The following MEGF11 variants were observed in gnomAD, a reference collection of about 807,000 sequenced individuals.
MEGF11 encodes the protein multiple epidermal growth factor-like domains protein 11.
In MEGF11, 126 loss-of-function variants were observed where a neutral mutation model predicts 146.6. The observed-to-expected ratio is 0.86, with a 90% CI of 0.74 to 1.00. The LOEUF (loss-of-function observed/expected upper bound fraction) is 1.00. Ranked by LOEUF, MEGF11 falls within the 50% of genes least tolerant of loss-of-function variation. MEGF11 has a pLI of 0.00. For synonymous variants in MEGF11, 532 were observed against 583.4 expected, an observed-to-expected ratio of 0.91 and a Z score of 1.27; for missense variants, 1,509 against 1,521.2, an observed-to-expected ratio of 0.99 and a Z score of 0.13.
intron 1 of MEGF11, among the ~76,000 whole-genome samples, chr15:66,183,523 A>C (rs2141160525): frequency 7.2e-6 from 1 of 139,848 alleles, no homozygotes; most frequent in African/African-American, 2.7e-5. Context: ...CGTGCCACCC[A>C]CACCCCCCTG....
intron 4 of MEGF11, among the ~76,000 whole-genome samples, chr15:66,098,526 C>A (rs1264556675): frequency 1.3e-5 from 2 of 152,192 alleles, no homozygotes; most frequent in Non-Finnish European, 2.9e-5. Flanking sequence ...GGCCAACTAG[C>A]CTGACATTCA....
intron 1 of MEGF11, among the ~76,000 whole-genome samples, chr15:66,135,813 G>T (rs1306105035): frequency 6.6e-6 from 1 of 152,174 alleles, no homozygotes; most frequent in African/African-American, 2.4e-5. Context: ...TGAATTCAAA[G>T]TCAGTACCAG....
At chr15:65,939,424 A>G (rs1307965353) in intron 10 of MEGF11, among the ~76,000 whole-genome samples, 1 of 151,532 alleles carries the variant, frequency 6.6e-6, no homozygotes, top group Admixed American at 6.6e-5. Context: ...AGGCACTGTG[A>G]TAGGCCCTGG....
chr15:66,003,631 T>A (rs1461985476), intron 5 of MEGF11, among the ~76,000 whole-genome samples: 2 of 152,112 alleles, frequency 1.3e-5, no homozygotes, highest in African/African-American at 2.4e-5. Context: ...ACCCCACCTC[T>A]GCCCACCCCA....
intron 13 of MEGF11, among the ~76,000 whole-genome samples, chr15:65,926,024 T>C (rs1216811395): frequency 6.6e-6 from 1 of 152,242 alleles, no homozygotes; most frequent in East Asian, 1.9e-4. Flanking sequence ...GTGCTCCTTA[T>C]GGACAGGATG....
intron 3 of MEGF11, 52 bp downstream of exon 3, chr15:66,123,847 C>G: frequency 6.8e-7 from 1 of 1,475,256 alleles, no homozygotes; most frequent in Non-Finnish European, 9.5e-7. Context: ...AGAGGCAAGC[C>G]CTGAGAGCCC....
chr15:66,147,623 A>G (rs1271162689), intron 1 of MEGF11, among the ~76,000 whole-genome samples: 1 of 152,200 alleles, frequency 6.6e-6, no homozygotes, highest in African/African-American at 2.4e-5. Flanking sequence ...AGTGGGTGCC[A>G]AGGCCTGGAG....
Position 65,912,219 on chromosome 15 carries a change from G to A in MEGF11, c.2711-19C>T. 2.5e-6 allele frequency: 3 copies of A among 1,217,320 alleles called. No homozygotes were observed. Among genetic ancestry groups the A allele is most frequent in the Non-Finnish European group, 3.1e-6 (3 of 974,522 alleles). The allele number at this position is 1,217,320 out of a possible 1,614,324, so 75.4% of individuals were successfully genotyped here. A position where few individuals can be genotyped will look rare whatever the true frequency, so the allele number is the denominator to read the frequency against. ...GACAAATCTGGGAAGAGAACAAGGT[G>A]CCACATACCATCATACCCCTGCCCC... On this transcript the variant is annotated intron_variant, in intron 20 of 25. Coordinates refer to ENST00000395614, the MANE Select transcript of MEGF11 (RefSeq NM_001385028.1).
At chr15:65,927,382 C>T (rs1029956131) in intron 13 of MEGF11, among the ~76,000 whole-genome samples, 8 of 152,210 alleles carry the variant, frequency 5.3e-5, no homozygotes, top group Non-Finnish European at 1.2e-4. Context: ...ATCCATATCT[C>T]AGTGTGTGGC....
intron 1 of MEGF11, among the ~76,000 whole-genome samples, chr15:66,247,942 A>C (rs959682620): frequency 5.9e-5 from 9 of 151,688 alleles, no homozygotes; most frequent in African/African-American, 2.2e-4. Flanking sequence ...GGCTGGGGCG[A>C]GATGGCACCA....
chr15:66,192,576 A>G (rs955619018), intron 1 of MEGF11, among the ~76,000 whole-genome samples: 1 of 152,182 alleles, frequency 6.6e-6, no homozygotes, highest in African/African-American at 2.4e-5. Context: ...TAATTACCCC[A>G]ATTTACCAAT....
chr15:65,926,019 C>G (rs1021555261), intron 13 of MEGF11, among the ~76,000 whole-genome samples: 1 of 152,190 alleles, frequency 6.6e-6, no homozygotes, highest in African/African-American at 2.4e-5. Flanking sequence ...CCTAGGTGCT[C>G]CTTATGGACA....
At chr15:66,211,024 G>T (rs1023868038) in intron 1 of MEGF11, among the ~76,000 whole-genome samples, 3 of 152,038 alleles carry the variant, frequency 2.0e-5, no homozygotes, top group Non-Finnish European at 4.4e-5. Context: ...TGCCCTCCTA[G>T]GCAACCAGCT....
chr15:65,960,157 A>G (rs957940205), intron 9 of MEGF11, among the ~76,000 whole-genome samples: 1 of 152,276 alleles, frequency 6.6e-6, no homozygotes, highest in Non-Finnish European at 1.5e-5. Context: ...AACGATATAG[A>G]CATCGACAGA....
chr15:65,906,855 A>G (rs2078644941), intron 23 of MEGF11, among the ~76,000 whole-genome samples: 6 of 152,230 alleles, frequency 3.9e-5, no homozygotes, highest in Admixed American at 2.6e-4. Flanking sequence ...TTCAGCCCCA[A>G]GGATTTCTTT....
intron 1 of MEGF11, among the ~76,000 whole-genome samples, chr15:66,211,537 A>G (rs1217357277): frequency 1.3e-5 from 2 of 151,890 alleles, no homozygotes; most frequent in East Asian, 2.0e-4. Flanking sequence ...AAAAAAAAAA[A>G]AAAAGAAAAT....
chr15:66,033,342 A>T (rs539873827), intron 5 of MEGF11, among the ~76,000 whole-genome samples: 1 of 152,298 alleles, frequency 6.6e-6, no homozygotes, highest in East Asian at 1.9e-4. Flanking sequence ...TTTTGGGGGA[A>T]GGGCCCCAGG....
intron 5 of MEGF11, among the ~76,000 whole-genome samples, chr15:66,007,465 C>T (rs570457480): frequency 1.3e-5 from 2 of 152,222 alleles, no homozygotes; most frequent in East Asian, 3.9e-4. Context: ...AAATGATGGC[C>T]CAGGCTGGGT....
rs1596923414 is a variant in MEGF11, at chr15:65,966,238, C to T, written c.900-1118G>A. On this transcript the variant is annotated intron_variant, in intron 8 of 25. Coordinates refer to ENST00000395614, the MANE Select transcript of MEGF11 (RefSeq NM_001385028.1). ...CTCAATCTCTTGACCTCATGATCCG[C>T]CTGCCTCGGTCTCCCAAAGTGCTGG... is the stretch of plus-strand genomic sequence containing the variant. Among the ~76,000 whole-genome samples the T allele has an allele frequency of 2.0e-5, 3 of 152,268 alleles. No individual in the cohort carries two copies. In the East Asian group the frequency reaches 5.8e-4, roughly 29 times the overall value.
Sources: allele counts gnomAD v4.1 joint callset (sites outside exome capture counted in the v4.1 genomes callset), GRCh38; gene constraint gnomAD v4.1.1; transcripts MANE v1.5; gene names NCBI Gene and HGNC (gene_info 2026-07-23, HGNC 2026-07-21).